TCF12: variants seen among roughly 807,000 people sequenced by gnomAD.
TCF12 encodes DNA-binding protein HTF4.
A neutral mutation model predicts 86.0 loss-of-function variants in TCF12; 45 were observed. The observed-to-expected ratio is 0.52, with a 90% CI of 0.41 to 0.67. The LOEUF (loss-of-function observed/expected upper bound fraction) is 0.67. Among genes scored for constraint, TCF12 ranks in the 30% least tolerant of loss-of-function variants. The pLI is 0.00. For synonymous variants in TCF12, 330 were observed against 299.6 expected (o/e 1.10, Z -1.05); for missense variants, 881 against 859.9 (o/e 1.02, Z -0.31).
chr15:57,202,538 C>T (rs767588654), intron 8 of TCF12, among the ~76,000 whole-genome samples: 1 of 150,912 alleles, frequency 6.6e-6, no homozygotes, highest in Non-Finnish European at 1.5e-5. Context: ...CAGATTCATG[C>T]CATTCTCCTG....
chr15:57,038,269 T>TA lies in TCF12; in HGVS notation c.149-25471dup, dbSNP rs35441538. ...CAACATAGTGAGATCCCATCTCTGTTAAAAAAAAAATTGCTGGACATGAGG... is the reference window on the plus strand; with the variant it reads ...CAACATAGTGAGATCCCATCTCTGTTAAAAAAAAAAATTGCTGGACATGAGG... On this transcript the variant is annotated intron_variant, in intron 3 of 20. Coordinates refer to ENST00000333725, the MANE Select transcript of TCF12 (RefSeq NM_207037.2). Among the ~76,000 whole-genome samples, 1,488 of 149,460 alleles carry TA rather than the reference T, an allele frequency of 1.0e-2. 21 individuals are homozygous for TA. The highest frequency in any genetic ancestry group is 0.037 in the East Asian group (187 of 5,112).
At chr15:57,163,096 C>T (rs569581156) in intron 5 of TCF12, among the ~76,000 whole-genome samples, 2 of 152,098 alleles carry the variant, frequency 1.3e-5, no homozygotes, top group Non-Finnish European at 2.9e-5. Flanking sequence ...ATCACTCCAA[C>T]CCAGGAGGTG....
At chr15:56,969,576 CACCCGG>C (rs1420363766) in intron 3 of TCF12, among the ~76,000 whole-genome samples, 42 of 127,880 alleles carry the variant, frequency 3.3e-4, no homozygotes, top group Non-Finnish European at 5.8e-4. Flanking sequence ...TTCATTCTGT[CACCCGG>C]ACTGGAGGGC....
intron 3 of TCF12, among the ~76,000 whole-genome samples, chr15:56,969,590 G>A (rs1040282053): frequency 1.3e-4 from 19 of 149,890 alleles, no homozygotes; most frequent in African/African-American, 4.2e-4. Context: ...CGGACTGGAG[G>A]GCAGTGATGT....
At chr15:57,182,359 A>G (rs1486012434) in intron 6 of TCF12, among the ~76,000 whole-genome samples, 1 of 152,122 alleles carries the variant, frequency 6.6e-6, no homozygotes, top group Admixed American at 6.5e-5. Context: ...TTTATAGTTT[A>G]GCACTTGATT....
At chr15:57,266,491 A>T (rs1329983390) in intron 18 of TCF12, among the ~76,000 whole-genome samples, 1 of 152,236 alleles carries the variant, frequency 6.6e-6, no homozygotes, top group African/African-American at 2.4e-5. Context: ...CAGAGACTAT[A>T]TGGCCCATCA....
At chr15:57,207,183 T>A (rs1379297917) in intron 8 of TCF12, among the ~76,000 whole-genome samples, 1 of 152,160 alleles carries the variant, frequency 6.6e-6, no homozygotes. Context: ...AACCCAAGTG[T>A]GACTGTGAAA....
At chr15:57,094,175 A>G (rs986522510) in intron 5 of TCF12, among the ~76,000 whole-genome samples, 8 of 152,198 alleles carry the variant, frequency 5.3e-5, no homozygotes, top group Non-Finnish European at 1.2e-4. Context: ...GGCATGAGCC[A>G]CCATGTCTGG....
intron 5 of TCF12, among the ~76,000 whole-genome samples, chr15:57,152,310 A>C (rs1191506841): frequency 6.6e-6 from 1 of 152,222 alleles, no homozygotes; most frequent in Non-Finnish European, 1.5e-5. Flanking sequence ...CAAGAGGCAA[A>C]ACAGTTAACA....
chr15:57,027,537 T>C (rs2065894465), intron 3 of TCF12, among the ~76,000 whole-genome samples: 4 of 152,156 alleles, frequency 2.6e-5, no homozygotes, highest in African/African-American at 9.7e-5. Context: ...CTATAAGGTT[T>C]TTTATGGTCA....
chr15:57,258,657 G>T (rs1177360824), intron 16 of TCF12, among the ~76,000 whole-genome samples: 2 of 151,942 alleles, frequency 1.3e-5, no homozygotes, highest in Non-Finnish European at 2.9e-5. Flanking sequence ...GTATTGCTTG[G>T]GTTTTTTGTT....
intron 3 of TCF12, among the ~76,000 whole-genome samples, chr15:56,962,133 A>T (rs1432135672): frequency 5.6e-4 from 49 of 88,108 alleles, no homozygotes; most frequent in African/African-American, 1.9e-3. Flanking sequence ...ACTCCGTCTC[A>T]AAAAAAAAAA....
intron 1 of TCF12, 76 bp from the exon 2 acceptor site, chr15:56,919,816 C>A: frequency 7.4e-7 from 1 of 1,345,208 alleles, no homozygotes. Context: ...CGTAATCTTC[C>A]CCAGTACCTC....
At chr15:57,245,670 A>G (rs909844184) in intron 13 of TCF12, among the ~76,000 whole-genome samples, 2 of 152,156 alleles carry the variant, frequency 1.3e-5, no homozygotes, top group South Asian at 4.1e-4. Flanking sequence ...TTTCCAAAAA[A>G]CTAGTGGTCA....
intron 4 of TCF12, chr15:57,072,604 G>C (rs748058548): frequency 2.4e-6 from 3 of 1,228,802 alleles, no homozygotes; most frequent in Non-Finnish European, 3.2e-6. Flanking sequence ...ACAGTAATTA[G>C]AAAGGACACA....
chr15:57,273,510 T>A (rs1259616285), intron 19 of TCF12, among the ~76,000 whole-genome samples: 1 of 151,950 alleles, frequency 6.6e-6, no homozygotes, highest in East Asian at 1.9e-4. Context: ...AAACAGCCTC[T>A]GCCTGCTGCT....
intron 4 of TCF12, among the ~76,000 whole-genome samples, chr15:57,083,157 T>C (rs1434373258): frequency 6.6e-6 from 1 of 152,188 alleles, no homozygotes; most frequent in Admixed American, 6.5e-5. Context: ...AAAACAAATT[T>C]AGGATAGTGT....
intron 7 of TCF12, among the ~76,000 whole-genome samples, chr15:57,193,117 A>G (rs1465908581): frequency 1.3e-5 from 2 of 152,204 alleles, no homozygotes; most frequent in Non-Finnish European, 2.9e-5. Flanking sequence ...GTCAGTTGCT[A>G]TAAATAGATT....
At chr15:56,970,657 A>G (rs940207832) in intron 3 of TCF12, among the ~76,000 whole-genome samples, 1 of 152,104 alleles carries the variant, frequency 6.6e-6, no homozygotes, top group African/African-American at 2.4e-5. Context: ...CCAATGTAAA[A>G]AGAGGAAAGA....
Sources: allele counts gnomAD v4.1 joint callset (sites outside exome capture counted in the v4.1 genomes callset), GRCh38; gene constraint gnomAD v4.1.1; transcripts MANE v1.5; gene names NCBI Gene and HGNC (gene_info 2026-07-23, HGNC 2026-07-21).